The following KSR2 variants were observed in gnomAD, a reference collection of about 807,000 sequenced individuals.
The protein encoded by KSR2 is kinase suppressor of ras 2.
A neutral mutation model predicts 107.8 loss-of-function variants in KSR2; 25 were observed. That is an observed-to-expected ratio of 0.23 (90% CI 0.17 to 0.32). The LOEUF (loss-of-function observed/expected upper bound fraction) is 0.32, where lower values mean the gene tolerates loss of function less well. Ranked by LOEUF, KSR2 falls within the 10% of genes least tolerant of loss-of-function variation. The pLI is 1.00. For missense variants in KSR2, 887 were observed against 1,268.9 expected (o/e 0.70, Z 4.57); for synonymous variants, 480 against 507.0 (o/e 0.95, Z 0.71).
chr12:117,952,627 G>C (rs137905413), intron 1 of KSR2, among the ~76,000 whole-genome samples: 335 of 152,170 alleles, frequency 2.2e-3, no homozygotes, highest in Non-Finnish European at 2.9e-3. Context: ...AGTGAGGTGA[G>C]ATTGTGCCAC....
chr12:117,700,204 G>A (rs1051330813), intron 4 of KSR2, among the ~76,000 whole-genome samples: 2 of 152,128 alleles, frequency 1.3e-5, no homozygotes, highest in Non-Finnish European at 2.9e-5. Context: ...TGACCAAAAC[G>A]TGGTTATGTG....
chr12:117,621,885 G>A (rs75357351), intron 5 of KSR2, among the ~76,000 whole-genome samples: 17 of 152,152 alleles, frequency 1.1e-4, no homozygotes, highest in Middle Eastern at 3.4e-3. Flanking sequence ...CTCTACCACT[G>A]TCTCCTACAG....
At chr12:117,876,946 T>C (rs1288206083) in intron 1 of KSR2, among the ~76,000 whole-genome samples, 2 of 152,148 alleles carry the variant, frequency 1.3e-5, no homozygotes, top group South Asian at 2.1e-4. Context: ...AATTCATTTA[T>C]GTTTCATATA....
At chr12:117,645,345 C>T (rs1390751200) in intron 5 of KSR2, among the ~76,000 whole-genome samples, 7 of 152,138 alleles carry the variant, frequency 4.6e-5, no homozygotes, top group African/African-American at 1.7e-4. Context: ...TTTGCTGAAA[C>T]CAGTATGTGG....
intron 1 of KSR2, among the ~76,000 whole-genome samples, chr12:117,964,491 C>T (rs946487288): frequency 6.6e-6 from 1 of 152,234 alleles, no homozygotes; most frequent in African/African-American, 2.4e-5. Context: ...TAACATCCCA[C>T]AGATTTAGGG....
At chr12:117,881,459 A>C (rs1894025077) in intron 1 of KSR2, among the ~76,000 whole-genome samples, 1 of 152,176 alleles carries the variant, frequency 6.6e-6, no homozygotes, top group African/African-American at 2.4e-5. Flanking sequence ...TCACTATGTA[A>C]CCCTTGTTAG....
At chr12:117,530,809 T>A (rs920389005) in intron 12 of KSR2, 132 bp downstream of exon 12, 1 of 767,158 alleles carries the variant, frequency 1.3e-6, no homozygotes, top group Non-Finnish European at 2.2e-6. Flanking sequence ...TCTGACCCCC[T>A]TGTACATCTC....
chr12:117,480,385 C>G (rs539005956), intron 16 of KSR2, among the ~76,000 whole-genome samples: 2 of 152,214 alleles, frequency 1.3e-5, no homozygotes, highest in South Asian at 2.1e-4. Flanking sequence ...GTGCCCCGTT[C>G]CCATGGCGAT....
chr12:117,640,122 T>C (rs1296850267), intron 5 of KSR2, among the ~76,000 whole-genome samples: 1 of 152,200 alleles, frequency 6.6e-6, no homozygotes, highest in Non-Finnish European at 1.5e-5. Context: ...CATTCCATCA[T>C]GGCCAACTGA....
intron 3 of KSR2, among the ~76,000 whole-genome samples, chr12:117,816,585 G>A (rs964402859): frequency 1.3e-5 from 2 of 152,134 alleles, no homozygotes; most frequent in African/African-American, 4.8e-5. Flanking sequence ...TGAGGGCACA[G>A]ACCCTGGACC....
chr12:117,516,131 G>A (rs1341791049), intron 14 of KSR2, among the ~76,000 whole-genome samples: 2 of 151,984 alleles, frequency 1.3e-5, no homozygotes, highest in Non-Finnish European at 2.9e-5. Flanking sequence ...AGGTGGTCTG[G>A]GCTTCATCCT....
In KSR2 at chr12:117,699,141, G is replaced by A. The variant is rs550223116; in HGVS notation, c.987-31483C>T. On this transcript the variant is annotated intron_variant, in intron 4 of 19. Transcript: ENST00000339824. ...CCTTTTGTCTATCTCCCCTCATCAA[G>A]CTATATGAAGACAGGGCCTTTGGAT... 3.3e-5 allele frequency among the ~76,000 whole-genome samples: 5 copies of A among 152,232 alleles called. No homozygotes were observed. The South Asian group carries it at 1.0e-3, about 32-fold the overall frequency.
At chr12:117,571,271 A>G (rs1318302679) in intron 7 of KSR2, among the ~76,000 whole-genome samples, 1 of 152,182 alleles carries the variant, frequency 6.6e-6, no homozygotes, top group Non-Finnish European at 1.5e-5. Flanking sequence ...AAAGAAAAAA[A>G]GAAACCTATT....
intron 14 of KSR2, among the ~76,000 whole-genome samples, chr12:117,487,156 A>C (rs2137146536): frequency 6.6e-6 from 1 of 152,366 alleles, no homozygotes; most frequent in East Asian, 1.9e-4. Context: ...CCATGAGATC[A>C]CTGGCTATTA....
intron 5 of KSR2, among the ~76,000 whole-genome samples, chr12:117,639,657 T>TATTATA (rs1491437914): frequency 1.7e-5 from 2 of 117,310 alleles, no homozygotes; most frequent in African/African-American, 3.2e-5. Flanking sequence ...TTATTATTAT[T>TATTATA]ATATTATTTT....
At chr12:117,534,148 C>T (rs115176699) in intron 10 of KSR2, among the ~76,000 whole-genome samples, 2 of 152,060 alleles carry the variant, frequency 1.3e-5, no homozygotes, top group Non-Finnish European at 2.9e-5. Context: ...AGCTTCCCCT[C>T]TGGAGCCCCC....
At chr12:117,822,756 C>A (rs1342875491) in intron 3 of KSR2, among the ~76,000 whole-genome samples, 1 of 152,304 alleles carries the variant, frequency 6.6e-6, no homozygotes, top group South Asian at 2.1e-4. Context: ...TAGTACCATG[C>A]TGCATATTGC....
intron 3 of KSR2, among the ~76,000 whole-genome samples, chr12:117,792,996 C>A (rs553919790): frequency 3.4e-5 from 5 of 145,324 alleles, no homozygotes; most frequent in Non-Finnish European, 7.5e-5. Flanking sequence ...CCAACATGCA[C>A]GCACACACAC....
chr12:117,831,935 A>G (rs1486810961), intron 3 of KSR2, among the ~76,000 whole-genome samples: 1 of 152,172 alleles, frequency 6.6e-6, no homozygotes, highest in African/African-American at 2.4e-5. Context: ...ACTTGGTTCT[A>G]TTTTCAAGGG....
Sources: allele counts gnomAD v4.1 joint callset (sites outside exome capture counted in the v4.1 genomes callset), GRCh38; gene constraint gnomAD v4.1.1; transcripts MANE v1.5; gene names NCBI Gene and HGNC (gene_info 2026-07-23, HGNC 2026-07-21).